Variants in ROCK2 observed in about 807,000 individuals in gnomAD.
The protein encoded by ROCK2 is Rho associated coiled-coil containing protein kinase 2, also known as rho-associated protein kinase 2.
ROCK2 carries 61 observed loss-of-function variants against 195.1 expected under a neutral mutation model. The ratio of observed to expected loss-of-function variants is 0.31; its 90% CI spans 0.25 to 0.39. ROCK2 has a LOEUF of 0.39. Among genes scored for constraint, ROCK2 ranks in the 10% least tolerant of loss-of-function variants. The probability of loss-of-function intolerance (pLI) is 1.00; values close to 1 mark genes in which losing one functional copy is unlikely to be tolerated. For missense variants in ROCK2, 1,109 were observed against 1,637.4 expected (o/e 0.68, Z 5.57); for synonymous variants, 504 against 545.5 (o/e 0.92, Z 1.06).
In ROCK2 at chr2:11,201,169, A is replaced by T. The variant is rs1663837656; in HGVS notation, c.2724-26T>A. ...CTACATTTTAGCAATATATCATTTT[A>T]ATGGTTCAGTTTTCACTATGAAGTG... On this transcript the variant is annotated intron_variant, in intron 22 of 32. Transcript: ENST00000315872. This position sits in a 1 kb window ranked among gnomAD's most constrained non-coding sequence, Gnocchi z 4.6. The T allele has an allele frequency of 6.3e-7, 1 of 1,580,178 alleles. No individual in the cohort carries two copies. Among genetic ancestry groups the T allele is most frequent in the Non-Finnish European group, 8.6e-7 (1 of 1,165,128 alleles).
chr2:11,344,160 C>A lies in ROCK2; in HGVS notation c.-24G>T. The stretch of plus-strand genomic sequence containing the variant: ...ATGCCGCCACCGCTGGACCCGCACT[C>A]AGGCTCCTCGCGCTCAGGTCCCGCA... On this transcript the variant is annotated 5_prime_UTR_variant, in exon 1 of 33. Transcript: ENST00000315872. The surrounding 1 kb of genome is among the most constrained non-coding windows in gnomAD (Gnocchi z 5.4). 7.1e-7 allele frequency: 1 copy of A among 1,404,028 alleles called. No homozygotes were observed. Among genetic ancestry groups the A allele is most frequent in the Non-Finnish European group, 9.2e-7 (1 of 1,083,796 alleles). 87.0% of individuals were successfully genotyped at this position (1,404,028 alleles called of 1,614,324 possible). A position where few individuals can be genotyped will look rare whatever the true frequency, so the allele number is the denominator to read the frequency against.
Position 11,341,692 on chromosome 2 carries a change from A to T in ROCK2, c.141+2304T>A, listed in dbSNP as rs78568767. 8.9e-3 allele frequency among the ~76,000 whole-genome samples: 1,361 copies of T among 152,338 alleles called. 16 individuals carry two copies. Among genetic ancestry groups the T allele is most frequent in the African/African-American group, 0.031 (1,285 of 41,568 alleles). On this transcript the variant is annotated intron_variant, in intron 1 of 32. Transcript: ENST00000315872. ...TCCTTTAAATTTTCTGTTAAAGACAAAATATGTATTTCCCATGGCAAAACC... is the reference window on the plus strand; with the variant it reads ...TCCTTTAAATTTTCTGTTAAAGACATAATATGTATTTCCCATGGCAAAACC...
upstream of ROCK2, among the ~76,000 whole-genome samples, chr2:11,345,300 G>GA (rs1427736838): frequency 6.6e-6 from 1 of 152,168 alleles, no homozygotes; most frequent in East Asian, 1.9e-4. Flanking sequence ...GAGAGCACCG[G>GA]AAAAAGGCTT....
At chr2:11,317,770 C>T (rs956769183) in intron 1 of ROCK2, among the ~76,000 whole-genome samples, 1 of 150,948 alleles carries the variant, frequency 6.6e-6, no homozygotes, top group Non-Finnish European at 1.5e-5. Flanking sequence ...CCCCGCTCCC[C>T]CAACCCCACA....
At chr2:11,343,533 A>G (rs1669175524) in intron 1 of ROCK2, among the ~76,000 whole-genome samples, 1 of 152,220 alleles carries the variant, frequency 6.6e-6, no homozygotes, top group African/African-American at 2.4e-5. Flanking sequence ...TTTCAGACTA[A>G]AAGGAGAGAG....
At chr2:11,294,329 T>C (rs972276092) in intron 1 of ROCK2, among the ~76,000 whole-genome samples, 1 of 152,374 alleles carries the variant, frequency 6.6e-6, no homozygotes, top group Middle Eastern at 3.4e-3. Context: ...ATAAAGCAGC[T>C]GCTATTGCAG....
At position 11,344,491 on chromosome 2, in the gene ROCK2, C is replaced by G. The variant is rs1328462836; in HGVS notation, c.-355G>C. The G allele has an allele frequency of 7.1e-6, 7 of 992,578 alleles. No individual in the cohort carries two copies. Among genetic ancestry groups the G allele is most frequent in the African/African-American group, 1.7e-5 (1 of 57,302 alleles). 61.5% of individuals were successfully genotyped at this position (992,578 alleles called of 1,614,324 possible). On this transcript the variant is annotated 5_prime_UTR_variant, in exon 1 of 33. Coordinates refer to ENST00000315872, the MANE Select transcript of ROCK2 (RefSeq NM_004850.5). The surrounding 1 kb of genome is among the most constrained non-coding windows in gnomAD (Gnocchi z 5.4). Reference sequence around the variant, plus strand: ...GCGCCGCCACCGCCGCGGCCCGGACCGCCCCGCCCTCTGGGGCCCCGGGAG... The same window carrying G: ...GCGCCGCCACCGCCGCGGCCCGGACGGCCCCGCCCTCTGGGGCCCCGGGAG...
chr2:11,192,400 A>C lies in ROCK2; in HGVS notation c.3950-39T>G. The C allele has an allele frequency of 2.5e-6, 4 of 1,605,192 alleles. No individual in the cohort carries two copies. Among genetic ancestry groups the C allele is most frequent in the Non-Finnish European group, 3.4e-6 (4 of 1,176,588 alleles). ...TTAGAAAAAAAAATTAATGTGCTTAAAATGATCTGAACATAACCAATATCG... is the reference window on the plus strand; with the variant it reads ...TTAGAAAAAAAAATTAATGTGCTTACAATGATCTGAACATAACCAATATCG... On this transcript the variant is annotated intron_variant, in intron 31 of 32. Coordinates refer to ENST00000315872, the MANE Select transcript of ROCK2 (RefSeq NM_004850.5). The surrounding 1 kb of genome is among the most constrained non-coding windows in gnomAD (Gnocchi z 5.0).
Position 11,192,722 on chromosome 2 carries a change from C to A in ROCK2, c.3688-10G>T. Reference sequence around the variant, plus strand: ...CATTGGCATACAGAATCTATGAATGCCAAAAGAACAATAAGTGATTTCCAA... The same window carrying A: ...CATTGGCATACAGAATCTATGAATGACAAAAGAACAATAAGTGATTTCCAA... On this transcript the variant is annotated splice_polypyrimidine_tract_variant and intron_variant, in intron 30 of 32. Transcript: ENST00000315872. The surrounding 1 kb of genome is among the most constrained non-coding windows in gnomAD (Gnocchi z 5.0). 2 of 1,601,366 alleles carry A rather than the reference C, an allele frequency of 1.2e-6. No homozygotes were observed. Among genetic ancestry groups the A allele is most frequent in the Non-Finnish European group, 1.7e-6 (2 of 1,173,794 alleles).
At chr2:11,343,872 G>A (rs1669191389) in intron 1 of ROCK2, 124 bp downstream of exon 1, 1 of 1,259,500 alleles carries the variant, frequency 7.9e-7, no homozygotes, top group Non-Finnish European at 1.1e-6. Context: ...CCGGCTGCCG[G>A]AAGCAGGGCG....
intron 3 of ROCK2, among the ~76,000 whole-genome samples, chr2:11,256,857 AACGGACAAATCTAT>A (rs1293710455): frequency 6.6e-6 from 1 of 151,364 alleles, no homozygotes; most frequent in African/African-American, 2.5e-5. Flanking sequence ...CTAAGAAAGA[AACGGACAAATCTAT>A]ACCTTCAGTT....
In ROCK2 at chr2:11,224,576, T is replaced by C. The variant is rs571159787; in HGVS notation, c.869-116A>G. 1.5e-5 allele frequency: 13 copies of C among 861,230 alleles called. No individual in the cohort carries two copies. In the East Asian group the frequency reaches 3.2e-4, roughly 21 times the overall value. The allele number at this position is 861,230 out of a possible 1,614,324, so 53.3% of individuals were successfully genotyped here. ...TGTCACATGCAGGGAAGAACAAATA[T>C]TCTACGGGCACAGAGTCCCAGTCAA... is the stretch of plus-strand genomic sequence containing the variant. On this transcript the variant is annotated intron_variant, in intron 6 of 32. Coordinates refer to ENST00000315872, the MANE Select transcript of ROCK2 (RefSeq NM_004850.5).
At chr2:11,183,937 C>A (rs1410042319) in intron 32 of ROCK2, among the ~76,000 whole-genome samples, 1 of 150,966 alleles carries the variant, frequency 6.6e-6, no homozygotes, top group Non-Finnish European at 1.5e-5. Context: ...AAATAGATAC[C>A]AGTACTACCT....
At chr2:11,188,759 G>C (rs180775805) in intron 32 of ROCK2, among the ~76,000 whole-genome samples, 1 of 151,686 alleles carries the variant, frequency 6.6e-6, no homozygotes, top group African/African-American at 2.4e-5. Flanking sequence ...GAGTAGCTGG[G>C]ACTACAAGTG....
intron 6 of ROCK2, among the ~76,000 whole-genome samples, chr2:11,225,772 C>T (rs1664789756): frequency 6.6e-6 from 1 of 152,130 alleles, no homozygotes; most frequent in Non-Finnish European, 1.5e-5. Flanking sequence ...AAGACACAAC[C>T]TAGGCCAGAG....
At position 11,193,764 on chromosome 2, in the gene ROCK2, CA is replaced by C. The variant is rs1305526445; in HGVS notation, c.3687+14del. 37 of 1,514,096 alleles carry C rather than the reference CA, an allele frequency of 2.4e-5. No homozygotes were observed. Among genetic ancestry groups the C allele is most frequent in the Non-Finnish European group, 3.2e-5 (36 of 1,108,558 alleles). 93.8% of individuals were successfully genotyped at this position (1,514,096 alleles called of 1,614,324 possible). On this transcript the variant is annotated intron_variant, in intron 30 of 32. Transcript: ENST00000315872. Reference sequence around the variant, plus strand: ...ACAAAGCCAACCAACCAAATATAAACAAAACTATGTTTACCTGGAATATCCT... The same window carrying C: ...ACAAAGCCAACCAACCAAATATAAACAAACTATGTTTACCTGGAATATCCT...
intron 4 of ROCK2, among the ~76,000 whole-genome samples, chr2:11,246,597 T>C (rs1285318343): frequency 1.3e-5 from 2 of 152,164 alleles, no homozygotes; most frequent in Non-Finnish European, 2.9e-5. Context: ...TATTTATCTA[T>C]TGAATTCAGA....
intron 3 of ROCK2, among the ~76,000 whole-genome samples, chr2:11,285,218 C>T (rs564170741): frequency 2.5e-4 from 37 of 148,066 alleles, no homozygotes; most frequent in African/African-American, 8.5e-4. Context: ...GCCGAGATCG[C>T]GCCATTGCAC....
intron 18 of ROCK2, 34 bp downstream of exon 18, chr2:11,211,647 C>T (rs764539599): frequency 2.6e-5 from 40 of 1,531,530 alleles, no homozygotes; most frequent in Admixed American, 6.1e-5. Flanking sequence ...CTTAGGAAGA[C>T]GCTGCTGGAA....
Sources: allele counts gnomAD v4.1 joint callset (sites outside exome capture counted in the v4.1 genomes callset), GRCh38; gene constraint gnomAD v4.1.1; non-coding constraint Gnocchi (gnomAD v3.1); transcripts MANE v1.5; gene names NCBI Gene and HGNC (gene_info 2026-07-23, HGNC 2026-07-21).